Variants in FHIP2A observed in about 807,000 individuals in gnomAD.
The protein encoded by FHIP2A is FHF complex subunit HOOK interacting protein 2A, also known as family with sequence similarity 160 member B1.
A neutral mutation model predicts 93.5 loss-of-function variants in FHIP2A; 46 were observed. That is an observed-to-expected ratio of 0.49 (90% CI 0.39 to 0.63). The LOEUF is 0.63. Among genes scored for constraint, FHIP2A ranks in the 20% least tolerant of loss-of-function variants. The pLI is 0.00. For missense variants in FHIP2A, 769 were observed against 909.7 expected (o/e 0.85, Z 1.99); for synonymous variants, 332 against 326.5 (o/e 1.02, Z -0.18).
chr10:114,889,957 C>T lies in FHIP2A; in HGVS notation c.2193-9533C>T, dbSNP rs1226857747. The stretch of plus-strand genomic sequence containing the variant: ...GCTTTGCCAGGTTTCCCGGAGCCAA[C>T]CCCACAGTGACCTTGCCCCATCCCT... On this transcript the variant is annotated intron_variant, in intron 16 of 16. Coordinates refer to the FHIP2A transcript ENST00000369250. 2.0e-5 allele frequency among the ~76,000 whole-genome samples: 3 copies of T among 152,222 alleles called. No individual in the cohort carries two copies. The East Asian group carries it at 5.8e-4, about 29-fold the overall frequency.
chr10:114,852,459 A>G (rs2083742977), intron 13 of FHIP2A, among the ~76,000 whole-genome samples: 1 of 152,140 alleles, frequency 6.6e-6, no homozygotes. Flanking sequence ...CCTCCTGGTC[A>G]TTCAAGGTTT....
intron 16 of FHIP2A, among the ~76,000 whole-genome samples, chr10:114,877,770 A>T (rs1264336801): frequency 6.6e-6 from 1 of 152,328 alleles, no homozygotes; most frequent in Middle Eastern, 3.4e-3. Flanking sequence ...TCTGCAAAGG[A>T]TCAATGGTTG....
chr10:114,868,130 C>A (rs1443286526), downstream of FHIP2A, among the ~76,000 whole-genome samples: 5 of 151,844 alleles, frequency 3.3e-5, 1 homozygote, highest in Non-Finnish European at 5.9e-5. Flanking sequence ...CACTATATTG[C>A]CCAGGCTTAT....
chr10:114,860,502 G>A (rs1470735222), intron 14 of FHIP2A, among the ~76,000 whole-genome samples: 3 of 152,156 alleles, frequency 2.0e-5, no homozygotes. Context: ...ACAGGCATGT[G>A]CCACCACACC....
intron 16 of FHIP2A, among the ~76,000 whole-genome samples, chr10:114,886,987 T>C (rs2083946433): frequency 6.6e-6 from 1 of 152,204 alleles, no homozygotes; most frequent in Non-Finnish European, 1.5e-5. Flanking sequence ...TTCATGAGAT[T>C]ACACACCTAG....
Position 114,833,343 on chromosome 10 carries a change from A to G in FHIP2A, c.235A>G (p.Met79Val), listed in dbSNP as rs199859961. The stretch of plus-strand genomic sequence containing the variant: ...GGAATCTGGAGAGACAGGGCCATGT[A>G]TGGAATATTTGCTTCATCACAAGAT... ...ERESGETGPCMEYLLHHKILE... is the reference protein window; with the variant it reads ...ERESGETGPCVEYLLHHKILE... The change falls in exon 3 of 17, where the codon ATG becomes GTG. Residue 79 changes from methionine to valine, a missense_variant. By Grantham distance (21) the Met-to-Val change is conservative (BLOSUM62 1). Transcript: ENST00000369248. 9 of 1,614,088 alleles carry G rather than the reference A, an allele frequency of 5.6e-6. No individual in the cohort carries two copies. The highest frequency in any genetic ancestry group is 1.1e-5 in the South Asian group (1 of 91,068).
rs2083620698 is a variant in FHIP2A at position 114,833,567 on chromosome 10, T to A, written c.294+165T>A. 4 of 598,414 alleles carry A rather than the reference T, an allele frequency of 6.7e-6. No individual in the cohort carries two copies. In the Admixed American group the frequency reaches 1.3e-4, roughly 20 times the overall value. 37.1% of individuals were successfully genotyped at this position (598,414 alleles called of 1,614,324 possible). On this transcript the variant is annotated intron_variant, in intron 3 of 16. Coordinates refer to ENST00000369248, the MANE Select transcript of FHIP2A (RefSeq NM_020940.4). ...AAATTGTGTAGCCTATACAAATATG[T>A]CCATAGAGATAGAAAGATTCCAAAC... is the stretch of plus-strand genomic sequence containing the variant.
At chr10:114,872,506 T>C (rs2083864863) in intron 16 of FHIP2A, among the ~76,000 whole-genome samples, 1 of 151,636 alleles carries the variant, frequency 6.6e-6, no homozygotes, top group African/African-American at 2.4e-5. Context: ...CACTGCTCTG[T>C]TTTAGACTTG....
rs139323434 is a variant in FHIP2A, at chr10:114,846,608, A to G, written c.1448A>G (p.Asn483Ser). The G allele has an allele frequency of 1.8e-4, 284 of 1,610,402 alleles. No individual in the cohort carries two copies. In the African/African-American group the frequency reaches 2.3e-3, roughly 13 times the overall value. Residue 483 changes from asparagine (N) to serine (S), a missense_variant, in exon 11 of 17, where the codon AAT becomes AGT. Transcript: ENST00000369248. ...RMFEHLLQKP[N>S]EHILYNLVLR... ...TTTGAACATCTTTTACAAAAACCCA[A>G]TGAGCACATTCTTTACAACTTGGTC...
chr10:114,863,020 T>A lies in FHIP2A; in HGVS notation c.*1480T>A, dbSNP rs1375525891. The A allele has an allele frequency of 8.1e-6, 8 of 985,340 alleles. No homozygotes were observed. The highest frequency in any genetic ancestry group is 9.6e-6 in the Non-Finnish European group (8 of 829,930). The allele number at this position is 985,340 out of a possible 1,614,324, so 61.0% of individuals were successfully genotyped here. On this transcript the variant is annotated 3_prime_UTR_variant, in exon 17 of 17. Transcript: ENST00000369248. Reference sequence around the variant, plus strand: ...GGTTTATTTCATAGTTTGTTCTTGCTATTTATTAAGAACAGAATATCAAAA... The same window carrying A: ...GGTTTATTTCATAGTTTGTTCTTGCAATTTATTAAGAACAGAATATCAAAA...
rs749431863 is a variant in FHIP2A at position 114,843,988 on chromosome 10, C to T, written c.1013+51C>T. 5 of 1,381,256 alleles carry T rather than the reference C, an allele frequency of 3.6e-6. No individual in the cohort carries two copies. The East Asian group carries it at 9.8e-5, about 27-fold the overall frequency. The allele number at this position is 1,381,256 out of a possible 1,614,324, so 85.6% of individuals were successfully genotyped here. A position where few individuals can be genotyped will look rare whatever the true frequency, so the allele number is the denominator to read the frequency against. On this transcript the variant is annotated intron_variant, in intron 7 of 16. Transcript: ENST00000369248. ...CATAAAGGTGACTTCTTAACACCTA[C>T]ATTTTAAAATCCATTTCTATTTTGC...
intron 16 of FHIP2A, among the ~76,000 whole-genome samples, chr10:114,884,160 A>G (rs946913988): frequency 6.6e-6 from 1 of 152,176 alleles, no homozygotes; most frequent in Non-Finnish European, 1.5e-5. Context: ...AAAAAAGTGA[A>G]TTTCTGGGAA....
At chr10:114,844,045 A>G (rs753472141) in intron 7 of FHIP2A, 108 bp downstream of exon 7, 30 of 749,616 alleles carry the variant, frequency 4.0e-5, no homozygotes, top group Admixed American at 6.3e-5. Flanking sequence ...ATTGAACACC[A>G]CTAGTGATCA....
intron 13 of FHIP2A, 49 bp from the exon 14 acceptor site, chr10:114,855,148 C>G (rs963854521): frequency 1.3e-6 from 2 of 1,562,774 alleles, no homozygotes; most frequent in Non-Finnish European, 1.7e-6. Flanking sequence ...TCTATTTCAT[C>G]TTAATTTGTT....
intron 2 of FHIP2A, among the ~76,000 whole-genome samples, chr10:114,832,642 C>G (rs998053978): frequency 2.6e-5 from 4 of 151,932 alleles, no homozygotes; most frequent in Non-Finnish European, 5.9e-5. Flanking sequence ...TCCCATTTCC[C>G]ACATAAATAG....
rs548411546 is a variant in FHIP2A, at chr10:114,873,473, C to T, written c.2192+12139C>T. Among the ~76,000 whole-genome samples the T allele has an allele frequency of 6.5e-4, 99 of 152,230 alleles. 3 individuals carry two copies. The South Asian group carries it at 0.02, about 31-fold the overall frequency. Reference sequence around the variant, plus strand: ...TTCCCTCCCATTTCCATACTGTATTCTCGGGAAGCAAAGTCACCGTAGATA... The same window carrying T: ...TTCCCTCCCATTTCCATACTGTATTTTCGGGAAGCAAAGTCACCGTAGATA... On this transcript the variant is annotated intron_variant, in intron 16 of 16. Transcript: ENST00000369250.
intron 6 of FHIP2A, 120 bp downstream of exon 6, chr10:114,843,346 T>TGTTG: frequency 1.6e-6 from 1 of 636,068 alleles, no homozygotes; most frequent in East Asian, 3.9e-5. Flanking sequence ...TGCTGTGTTG[T>TGTTG]CCAGGCTGGA....
intron 12 of FHIP2A, 38 bp downstream of exon 12, chr10:114,847,271 GTT>G: frequency 6.4e-7 from 1 of 1,566,610 alleles, no homozygotes; most frequent in Non-Finnish European, 8.7e-7. Flanking sequence ...CATCTCTCTT[GTT>G]TTTTGTTTTT....
intron 13 of FHIP2A, among the ~76,000 whole-genome samples, chr10:114,850,949 T>C (rs1266156405): frequency 6.6e-6 from 1 of 152,244 alleles, no homozygotes; most frequent in Non-Finnish European, 1.5e-5. Context: ...AGTCGCGCTC[T>C]GTCATCCAGG....
Sources: gnomAD v4.1 joint callset for allele counts (sites outside exome capture counted in the v4.1 genomes callset) on GRCh38, gnomAD v4.1.1 for gene constraint, MANE v1.5 for transcripts, NCBI Gene and HGNC (gene_info 2026-07-23, HGNC 2026-07-21) for gene names.